The following KCNMA1 variants were observed in gnomAD, a reference collection of about 807,000 sequenced individuals.
KCNMA1 encodes the protein potassium calcium-activated channel subfamily M alpha 1.
KCNMA1 carries 29 observed loss-of-function variants against 140.0 expected under a neutral mutation model. The ratio of observed to expected loss-of-function variants is 0.21; its 90% confidence interval spans 0.15 to 0.28. The LOEUF (loss-of-function observed/expected upper bound fraction) is 0.28. KCNMA1 is among the 10% of genes least tolerant of loss of function. The probability of loss-of-function intolerance (pLI) is 1.00; values close to 1 mark genes in which losing one functional copy is unlikely to be tolerated. For synonymous variants in KCNMA1, 612 were observed against 611.9 expected (o/e 1.00, Z 0.00); for missense variants, 880 against 1,602.2 (o/e 0.55, Z 7.70).
At chr10:77,445,365 G>GAGACACACACACACAC (rs371623216) in intron 1 of KCNMA1, among the ~76,000 whole-genome samples, 24 of 141,276 alleles carry the variant, frequency 1.7e-4, no homozygotes, top group African/African-American at 6.1e-4. Context: ...CACATACACA[G>GAGACACACACACACAC]ACACACACAC....
At chr10:77,504,165 A>T (rs541803239) in intron 1 of KCNMA1, among the ~76,000 whole-genome samples, 1 of 152,300 alleles carries the variant, frequency 6.6e-6, no homozygotes, top group Non-Finnish European at 1.5e-5. Context: ...ATGAGCTTAC[A>T]CTTCACTCAC....
chr10:77,063,472 T>C (rs966702354), intron 14 of KCNMA1, among the ~76,000 whole-genome samples: 1 of 151,984 alleles, frequency 6.6e-6, no homozygotes, highest in Admixed American at 6.6e-5. Flanking sequence ...TCACGTAAAC[T>C]GAAAAGTGCT....
intron 17 of KCNMA1, among the ~76,000 whole-genome samples, chr10:77,017,838 A>C (rs1412079141): frequency 6.6e-6 from 1 of 151,094 alleles, no homozygotes; most frequent in Non-Finnish European, 1.5e-5. Context: ...TCATATGTAA[A>C]GTGGGAAAGA....
At chr10:77,592,351 G>A (rs2079469808) in intron 1 of KCNMA1, among the ~76,000 whole-genome samples, 1 of 152,158 alleles carries the variant, frequency 6.6e-6, no homozygotes, top group African/African-American at 2.4e-5. Context: ...CTGGATCCTG[G>A]AAAAGAAAAA....
chr10:77,606,055 G>A (rs372973644), intron 1 of KCNMA1, among the ~76,000 whole-genome samples: 19 of 152,138 alleles, frequency 1.2e-4, no homozygotes, highest in Admixed American at 9.8e-4. Flanking sequence ...CTTCCCAGCC[G>A]CATGGCAGTG....
At chr10:77,185,437 G>A (rs2098841323) in intron 3 of KCNMA1, among the ~76,000 whole-genome samples, 1 of 152,066 alleles carries the variant, frequency 6.6e-6, no homozygotes, top group African/African-American at 2.4e-5. Flanking sequence ...GGACCCAGGA[G>A]CATCTCAAGA....
chr10:77,345,531 G>A (rs2091956985), intron 2 of KCNMA1, among the ~76,000 whole-genome samples: 1 of 152,180 alleles, frequency 6.6e-6, no homozygotes, highest in Non-Finnish European at 1.5e-5. Flanking sequence ...TGAAGTTATG[G>A]GTTTCATACC....
At chr10:76,997,304 G>T (rs775505502) in intron 19 of KCNMA1, among the ~76,000 whole-genome samples, 13 of 151,602 alleles carry the variant, frequency 8.6e-5, no homozygotes, top group African/African-American at 3.2e-4. Context: ...TTTAAAATTA[G>T]CTACAGTAGT....
chr10:77,257,236 T>A (rs1256320064), intron 2 of KCNMA1, among the ~76,000 whole-genome samples: 1 of 152,246 alleles, frequency 6.6e-6, no homozygotes, highest in Non-Finnish European at 1.5e-5. Flanking sequence ...CTGGTGAATT[T>A]ATTAATAACA....
chr10:77,513,002 C>T (rs1289625593), intron 1 of KCNMA1, among the ~76,000 whole-genome samples: 1 of 152,152 alleles, frequency 6.6e-6, no homozygotes, highest in Non-Finnish European at 1.5e-5. Flanking sequence ...AACCAGATCA[C>T]ACGCGTGGCT....
intron 9 of KCNMA1, among the ~76,000 whole-genome samples, chr10:77,104,222 G>A (rs1382694711): frequency 6.6e-6 from 1 of 152,170 alleles, no homozygotes; most frequent in Non-Finnish European, 1.5e-5. Flanking sequence ...GCAGTCCTGG[G>A]GCTTTAGGCT....
intron 1 of KCNMA1, chr10:77,636,807 C>T: frequency 6.9e-7 from 1 of 1,445,526 alleles, no homozygotes; most frequent in African/African-American, 1.4e-5. Flanking sequence ...ATCTCCCCAA[C>T]AGGTTCCTAA....
At chr10:77,117,539 C>CAAAAAAA (rs56926398) in intron 6 of KCNMA1, among the ~76,000 whole-genome samples, 64 of 22,418 alleles carry the variant, frequency 2.9e-3, no homozygotes, top group Non-Finnish European at 4.3e-3. Context: ...GAGTCTATCT[C>CAAAAAAA]AAAAAAAAAA....
chr10:77,000,801 A>G (rs1228383293), intron 19 of KCNMA1, among the ~76,000 whole-genome samples: 1 of 148,298 alleles, frequency 6.7e-6, no homozygotes, highest in Non-Finnish European at 1.5e-5. Flanking sequence ...AGAACAAAAG[A>G]CAAAATCTGG....
At chr10:77,159,041 T>C (rs2098524514) in intron 5 of KCNMA1, among the ~76,000 whole-genome samples, 1 of 152,200 alleles carries the variant, frequency 6.6e-6, no homozygotes, top group Non-Finnish European at 1.5e-5. Flanking sequence ...GTGAGTTTTT[T>C]CCCCATTCTT....
chr10:77,374,691 G>T (rs545184649), intron 2 of KCNMA1, among the ~76,000 whole-genome samples: 2 of 152,264 alleles, frequency 1.3e-5, no homozygotes, highest in South Asian at 2.1e-4. Context: ...CTGATGCCTT[G>T]GTCTTTTCTA....
chr10:77,170,068 G>A (rs1326489862), intron 5 of KCNMA1, among the ~76,000 whole-genome samples: 2 of 152,170 alleles, frequency 1.3e-5, no homozygotes, highest in African/African-American at 2.4e-5. Context: ...GTGGGCACCT[G>A]TAATCCCAGC....
intron 26 of KCNMA1, 175 bp downstream of exon 26, chr10:76,891,350 A>G: frequency 1.5e-6 from 1 of 658,382 alleles, no homozygotes; most frequent in Non-Finnish European, 2.7e-6. Context: ...ATGACTATGC[A>G]TAGAGCAAAG....
intron 10 of KCNMA1, among the ~76,000 whole-genome samples, chr10:77,090,085 T>G (rs1225870082): frequency 2.0e-5 from 3 of 152,152 alleles, no homozygotes; most frequent in Non-Finnish European, 4.4e-5. Context: ...GCCAGATTGC[T>G]AAGGGGACAA....
Sources: allele counts gnomAD v4.1 joint callset (sites outside exome capture counted in the v4.1 genomes callset), GRCh38; gene constraint gnomAD v4.1.1; transcripts MANE v1.5; gene names NCBI Gene and HGNC (gene_info 2026-07-23, HGNC 2026-07-21).